Variants in CMC1 observed in about 807,000 individuals in gnomAD.
CMC1 encodes C-X9-C motif containing 1, also known as COX assembly mitochondrial protein homolog.
A neutral mutation model predicts 14.1 loss-of-function variants in CMC1; 14 were observed. The ratio of observed to expected loss-of-function variants is 0.99; its 90% CI spans 0.66 to 1.55. The LOEUF (loss-of-function observed/expected upper bound fraction) is 1.55, where lower values mean the gene tolerates loss of function less well. CMC1 is among the 40% of genes most tolerant of loss of function. The pLI is 0.00. For synonymous variants in CMC1, 50 were observed against 38.4 expected (o/e 1.30, Z -1.12); for missense variants, 127 against 123.8 (o/e 1.03, Z -0.12).
chr3:28,280,238 A>AC (rs1046034140), intron 2 of CMC1, among the ~76,000 whole-genome samples: 4 of 152,226 alleles, frequency 2.6e-5, no homozygotes, highest in South Asian at 2.1e-4. Flanking sequence ...CAACAGTTGC[A>AC]CTACGTGGGA....
chr3:28,292,683 A>G (rs1266504451), intron 2 of CMC1: 1 of 152,160 alleles, frequency 6.6e-6, no homozygotes, highest in Non-Finnish European at 1.5e-5. Context: ...GGATGTTTGT[A>G]TACATTATGG....
At chr3:28,253,109 A>T (rs751798657) in intron 1 of CMC1, among the ~76,000 whole-genome samples, 5 of 152,186 alleles carry the variant, frequency 3.3e-5, no homozygotes, top group African/African-American at 1.2e-4. Flanking sequence ...GGCAAGAGGA[A>T]TATCTGGTCA....
intron 3 of CMC1, 126 bp from the exon 4 acceptor site, chr3:28,319,382 AC>A: frequency 1.2e-6 from 1 of 861,158 alleles, no homozygotes; most frequent in East Asian, 2.5e-5. Flanking sequence ...TTTAACCATT[AC>A]TAAAAGTGTA....
intron 2 of CMC1, among the ~76,000 whole-genome samples, chr3:28,308,854 ATG>A (rs1207449425): frequency 6.6e-6 from 1 of 152,050 alleles, no homozygotes; most frequent in Non-Finnish European, 1.5e-5. Context: ...GTGGTGGCGC[ATG>A]CCTGTAGTCC....
chr3:28,280,147 A>G (rs1577036324), intron 2 of CMC1, among the ~76,000 whole-genome samples: 1 of 152,216 alleles, frequency 6.6e-6, no homozygotes, highest in African/African-American at 2.4e-5. Context: ...ATAAGTGAAA[A>G]AAGTGTATAC....
intron 2 of CMC1, among the ~76,000 whole-genome samples, chr3:28,283,548 AAAC>A (rs1291478045): frequency 1.6e-4 from 13 of 80,302 alleles, no homozygotes; most frequent in African/African-American, 4.6e-4. Flanking sequence ...ACAACAACAA[AAAC>A]AAAAAAAAAA....
intron 2 of CMC1, chr3:28,292,590 T>C (rs1577060793): frequency 6.6e-6 from 1 of 152,308 alleles, no homozygotes; most frequent in South Asian, 2.1e-4. Context: ...TTCTTGAATT[T>C]TCTTTTCTGG....
chr3:28,279,805 A>G (rs568199786), intron 2 of CMC1, among the ~76,000 whole-genome samples: 2 of 152,370 alleles, frequency 1.3e-5, no homozygotes, highest in East Asian at 3.9e-4. Context: ...GGACAATAAC[A>G]TAAGGACAAC....
At position 28,253,652 on chromosome 3, in the gene CMC1, G is replaced by T. The variant is rs1699251850; in HGVS notation, c.20-9639G>T. 4 of 720,830 alleles carry T rather than the reference G, an allele frequency of 5.5e-6. No homozygotes were observed. In the East Asian group the frequency reaches 2.6e-4, roughly 47 times the overall value. The allele number at this position is 720,830 out of a possible 1,614,324, so 44.7% of individuals were successfully genotyped here. ...AAAAAGCTAAACAAACAAAGAAGAG[G>T]GATCCAAATATAGAAACTATTGCTA... is the stretch of plus-strand genomic sequence containing the variant. On this transcript the variant is annotated intron_variant, in intron 1 of 3. Coordinates refer to ENST00000466830, the MANE Select transcript of CMC1 (RefSeq NM_182523.2).
At chr3:28,252,419 T>A (rs1034075071) in intron 1 of CMC1, among the ~76,000 whole-genome samples, 3 of 152,228 alleles carry the variant, frequency 2.0e-5, no homozygotes, top group South Asian at 2.1e-4. Context: ...AAAATTAGAT[T>A]GTTAGTGGCT....
At chr3:28,283,747 G>A (rs993757696) in intron 2 of CMC1, among the ~76,000 whole-genome samples, 5 of 152,068 alleles carry the variant, frequency 3.3e-5, no homozygotes, top group Admixed American at 1.3e-4. Flanking sequence ...TATTGACTCA[G>A]TAGGAACAGT....
At position 28,258,553 on chromosome 3, in the gene CMC1, A is replaced by G. The variant is rs114478400; in HGVS notation, c.20-4738A>G. On this transcript the variant is annotated intron_variant, in intron 1 of 3. Coordinates refer to ENST00000466830, the MANE Select transcript of CMC1 (RefSeq NM_182523.2). ...TTGTCGAAAATAATTTTATTTCTTCATAAACTAGCCTTGGTGCATTTGCCA... is the reference window on the plus strand; with the variant it reads ...TTGTCGAAAATAATTTTATTTCTTCGTAAACTAGCCTTGGTGCATTTGCCA... Among the ~76,000 whole-genome samples, 603 of 149,070 alleles carry G rather than the reference A, an allele frequency of 4.0e-3. 10 individuals carry two copies. Among genetic ancestry groups the G allele is most frequent in the African/African-American group, 0.014 (583 of 40,466 alleles).
chr3:28,301,125 A>T (rs892099544), intron 2 of CMC1, among the ~76,000 whole-genome samples: 1 of 152,154 alleles, frequency 6.6e-6, no homozygotes, highest in Non-Finnish European at 1.5e-5. Flanking sequence ...AGCCACATTC[A>T]TATAAAAATA....
intron 2 of CMC1, among the ~76,000 whole-genome samples, chr3:28,274,220 C>CTTTTTTTTTTTTTTTTTTTTT (rs544985268): frequency 8.9e-6 from 1 of 112,326 alleles, no homozygotes; most frequent in African/African-American, 3.3e-5. Context: ...TTGTTTTTTT[C>CTTTTTTTTTTTTTTTTTTTTT]TTTTTTTTTT....
At position 28,307,211 on chromosome 3, in the gene CMC1, A is replaced by C. The variant is rs193037378; in HGVS notation, c.110-9122A>C. Among the ~76,000 whole-genome samples the C allele has an allele frequency of 1.4e-3, 209 of 152,288 alleles. 1 individual carries two copies. Among genetic ancestry groups the C allele is most frequent in the African/African-American group, 4.9e-3 (205 of 41,552 alleles). On this transcript the variant is annotated intron_variant, in intron 2 of 3. Coordinates refer to ENST00000466830, the MANE Select transcript of CMC1 (RefSeq NM_182523.2). ...GTTTTTGTTACATTATACTTCATGA[A>C]AAATCACTCCTGTTAAATGTCTAAT...
At chr3:28,287,460 G>A (rs1406525853) in intron 2 of CMC1, among the ~76,000 whole-genome samples, 1 of 152,074 alleles carries the variant, frequency 6.6e-6, no homozygotes, top group African/African-American at 2.4e-5. Flanking sequence ...TTTGGTAAGA[G>A]GGAGCAAATT....
At chr3:28,262,666 G>T (rs984998606) in intron 1 of CMC1, among the ~76,000 whole-genome samples, 29 of 151,962 alleles carry the variant, frequency 1.9e-4, no homozygotes, top group African/African-American at 6.3e-4. Flanking sequence ...ATCTTTTTTG[G>T]TTCACTGAAG....
intron 1 of CMC1, chr3:28,253,608 CCCCCAAAAAACT>C: frequency 8.2e-6 from 3 of 365,624 alleles, no homozygotes; most frequent in Non-Finnish European, 1.4e-5. Context: ...ACCAAAAAAC[CCCCCAAAAAACT>C]CCCCCCAAAA....
chr3:28,311,125 T>G (rs1418054808), intron 2 of CMC1, among the ~76,000 whole-genome samples: 1 of 152,192 alleles, frequency 6.6e-6, no homozygotes, highest in African/African-American at 2.4e-5. Flanking sequence ...CCATTTGAAC[T>G]AATGGTTTTA....
Sources: allele counts gnomAD v4.1 joint callset (sites outside exome capture counted in the v4.1 genomes callset), GRCh38; gene constraint gnomAD v4.1.1; transcripts MANE v1.5; gene names NCBI Gene and HGNC (gene_info 2026-07-23, HGNC 2026-07-21).